NTN1: variants seen among roughly 807,000 people sequenced by gnomAD.
The protein encoded by NTN1 is netrin 1, also known as netrin-1.
NTN1 carries 11 observed loss-of-function variants against 54.2 expected under a neutral mutation model. The ratio of observed to expected loss-of-function variants is 0.20; its 90% CI spans 0.13 to 0.34. The LOEUF (loss-of-function observed/expected upper bound fraction) is 0.34, where lower values mean the gene tolerates loss of function less well. NTN1 is among the 10% of genes least tolerant of loss of function. The pLI is 1.00. For synonymous variants in NTN1, 371 were observed against 382.0 expected (o/e 0.97, Z 0.33); for missense variants, 740 against 893.1 (o/e 0.83, Z 2.18).
At chr17:9,150,986 A>G (rs2092326201) in intron 2 of NTN1, among the ~76,000 whole-genome samples, 1 of 152,110 alleles carries the variant, frequency 6.6e-6, no homozygotes, top group South Asian at 2.1e-4. Context: ...CCCAAACCCC[A>G]CGAAATGCCC....
chr17:9,113,151 G>T (rs939241326), intron 2 of NTN1, among the ~76,000 whole-genome samples: 3 of 151,342 alleles, frequency 2.0e-5, no homozygotes, highest in Non-Finnish European at 4.4e-5. Context: ...AGCCTCCCGA[G>T]TAGCTGGGAT....
intron 2 of NTN1, among the ~76,000 whole-genome samples, chr17:9,077,031 G>T (rs1377012216): frequency 1.3e-5 from 2 of 152,172 alleles, no homozygotes; most frequent in African/African-American, 4.8e-5. Flanking sequence ...TTCTGTAGCA[G>T]GTAATCATCA....
rs559805496 is a variant in NTN1, at chr17:9,073,562, A to G, written c.1018+50171A>G. On this transcript the variant is annotated intron_variant, in intron 2 of 6. Coordinates refer to ENST00000173229, the MANE Select transcript of NTN1 (RefSeq NM_004822.3). The stretch of plus-strand genomic sequence containing the variant: ...AACTCATTTGATTTTAGAGGTTGAG[A>G]GGACCATAGAGATCCTCCAGCATCT... Among the ~76,000 whole-genome samples, 3 of 152,306 alleles carry G rather than the reference A, an allele frequency of 2.0e-5. No individual in the cohort carries two copies. The East Asian group carries it at 5.8e-4, about 29-fold the overall frequency.
upstream of NTN1, among the ~76,000 whole-genome samples, chr17:9,017,710 C>T (rs540641951): frequency 1.3e-5 from 2 of 152,328 alleles, no homozygotes; most frequent in South Asian, 2.1e-4. Flanking sequence ...GTTTTGAACT[C>T]CAGTTTGCTC....
intron 2 of NTN1, among the ~76,000 whole-genome samples, chr17:9,059,377 G>A (rs755300751): frequency 2.0e-4 from 30 of 152,128 alleles, no homozygotes; most frequent in Non-Finnish European, 4.0e-4. Flanking sequence ...AATGCTCATG[G>A]CAACATTATT....
At position 9,162,846 on chromosome 17, in the gene NTN1, G is replaced by A. The variant is rs531668666; in HGVS notation, c.1052G>A (p.Arg351His). The A allele has an allele frequency of 1.1e-5, 17 of 1,613,476 alleles. No homozygotes were observed. Among genetic ancestry groups the A allele is most frequent in the East Asian group, 2.2e-5 (1 of 44,858 alleles). The change falls in exon 3 of 7, where the codon CGC becomes CAC. Residue 351 changes from arginine (R) to histidine (H), a missense_variant. By Grantham distance (29) the Arg-to-His change is conservative (BLOSUM62 0). Coordinates refer to ENST00000173229, the MANE Select transcript of NTN1 (RefSeq NM_004822.3). ...TGCAACCTGCATGCCCGGCGCTGCC[G>A]CTTCAACATGGAGCTCTACAAGCTT... is the stretch of plus-strand genomic sequence containing the variant. ...CNCNLHARRC[R>H]FNMELYKLSG...
intron 2 of NTN1, among the ~76,000 whole-genome samples, chr17:9,060,863 C>T (rs1431517343): frequency 6.6e-6 from 1 of 151,212 alleles, no homozygotes; most frequent in African/African-American, 2.4e-5. Context: ...GTAGTCCAAG[C>T]TACTCGGGAG....
chr17:9,072,437 T>C (rs2092035196), intron 2 of NTN1, among the ~76,000 whole-genome samples: 1 of 152,152 alleles, frequency 6.6e-6, no homozygotes, highest in South Asian at 2.1e-4. Flanking sequence ...TTGCCTTCTC[T>C]CAACCCGGCC....
intron 5 of NTN1, among the ~76,000 whole-genome samples, chr17:9,191,245 G>C (rs1359566456): frequency 6.6e-6 from 1 of 152,222 alleles, no homozygotes; most frequent in African/African-American, 2.4e-5. Flanking sequence ...CGGATCATCT[G>C]AGGTCAGGAG....
the NTN1 span, among the ~76,000 whole-genome samples, chr17:9,005,072 C>G: frequency 6.6e-6 from 1 of 152,156 alleles, no homozygotes; most frequent in South Asian, 2.1e-4. Context: ...GGATCCCAGG[C>G]ACCGCTCCCA....
chr17:9,190,083 G>A (rs1597528480), intron 5 of NTN1, among the ~76,000 whole-genome samples: 1 of 152,190 alleles, frequency 6.6e-6, no homozygotes, highest in African/African-American at 2.4e-5. Context: ...AACGTACAAA[G>A]GTCAGCATGG....
intron 2 of NTN1, among the ~76,000 whole-genome samples, chr17:9,070,047 T>C (rs780637570): frequency 1.8e-4 from 27 of 152,170 alleles, no homozygotes; most frequent in Non-Finnish European, 3.5e-4. Context: ...ATACCCGCCT[T>C]CTTCTTCGTA....
chr17:9,013,375 C>T, the NTN1 span, among the ~76,000 whole-genome samples: 1 of 152,006 alleles, frequency 6.6e-6, no homozygotes, highest in Non-Finnish European at 1.5e-5. Flanking sequence ...CGCCACCACA[C>T]CCGGCTTATT....
chr17:9,114,156 A>ATATATAT (rs1343963464), intron 2 of NTN1, among the ~76,000 whole-genome samples: 41 of 87,228 alleles, frequency 4.7e-4, no homozygotes, highest in African/African-American at 1.8e-3. Flanking sequence ...AAAAAAAGAA[A>ATATATAT]AAAAAAAAAA....
chr17:9,128,274 C>T (rs1000741145), intron 2 of NTN1, among the ~76,000 whole-genome samples: 1 of 149,232 alleles, frequency 6.7e-6, no homozygotes, highest in East Asian at 2.0e-4. Flanking sequence ...CATGCCACTG[C>T]ATTGCAGCCT....
chr17:9,230,977 G>C (rs1177672212), intron 6 of NTN1, among the ~76,000 whole-genome samples: 2 of 152,146 alleles, frequency 1.3e-5, no homozygotes, highest in East Asian at 1.9e-4. Context: ...AGTAGGGGTG[G>C]GGTGGGGATC....
chr17:9,190,726 C>T (rs1904430358), intron 5 of NTN1, among the ~76,000 whole-genome samples: 1 of 152,154 alleles, frequency 6.6e-6, no homozygotes, highest in African/African-American at 2.4e-5. Context: ...GTAGTGAGCG[C>T]CTGTAGTCCC....
At chr17:9,048,988 C>T (rs2091950690) in intron 2 of NTN1, among the ~76,000 whole-genome samples, 1 of 152,310 alleles carries the variant, frequency 6.6e-6, no homozygotes, top group Non-Finnish European at 1.5e-5. Context: ...ATTTCTTAGC[C>T]TTTTCCTGGC....
At chr17:9,018,565 C>G (rs555817086), upstream of NTN1, among the ~76,000 whole-genome samples, 107 of 143,652 alleles carry the variant, frequency 7.4e-4, no homozygotes, top group African/African-American at 2.8e-3. Flanking sequence ...ACCCGGGAGG[C>G]AGAGGTTGAG....
Sources: gnomAD v4.1 joint callset for allele counts (sites outside exome capture counted in the v4.1 genomes callset) on GRCh38, gnomAD v4.1.1 for gene constraint, MANE v1.5 for transcripts, NCBI Gene and HGNC (gene_info 2026-07-23, HGNC 2026-07-21) for gene names.